The following OCIAD1 variants were observed in gnomAD, a reference collection of about 807,000 sequenced individuals.
OCIAD1 encodes OCIA domain-containing protein 1.
Under a neutral mutation model 38.9 loss-of-function variants are expected in OCIAD1, and 29 were observed. That is an observed-to-expected ratio of 0.74 (90% CI 0.55 to 1.02). OCIAD1 has a LOEUF of 1.02. Ranked by LOEUF, OCIAD1 falls within the 50% of genes least tolerant of loss-of-function variation. The probability of loss-of-function intolerance (pLI) is 0.00; values close to 1 mark genes in which losing one functional copy is unlikely to be tolerated. For missense variants in OCIAD1, 288 were observed against 289.6 expected (o/e 0.99, Z 0.04); for synonymous variants, 110 against 92.0 (o/e 1.20, Z -1.12).
intron 3 of OCIAD1, among the ~76,000 whole-genome samples, chr4:48,838,210 C>T (rs1778177038): frequency 6.6e-6 from 1 of 151,518 alleles, no homozygotes; most frequent in Admixed American, 6.6e-5. Context: ...TCCAGCTACT[C>T]GAGAGGCTGA....
chr4:48,809,207 G>T (rs1317828473), intron 1 of OCIAD1, among the ~76,000 whole-genome samples: 2 of 151,878 alleles, frequency 1.3e-5, no homozygotes, highest in Non-Finnish European at 2.9e-5. Flanking sequence ...TCCATCTATG[G>T]CTTCCCTATT....
At chr4:48,828,063 C>A (rs879846402), upstream of OCIAD1, among the ~76,000 whole-genome samples, 2 of 152,060 alleles carry the variant, frequency 1.3e-5, no homozygotes. Context: ...GTAAATGCAC[C>A]AATCAGTGCT....
At position 48,857,303 on chromosome 4, in the gene OCIAD1, C is replaced by T. The variant is rs112327139; in HGVS notation, c.638C>T (p.Ser213Phe). 8,312 of 1,600,556 alleles carry T rather than the reference C, an allele frequency of 5.2e-3. 29 individuals carry two copies. Among genetic ancestry groups the T allele is most frequent in the Non-Finnish European group, 6.4e-3 (7,551 of 1,172,938 alleles). ...AAGAACAGAGAGTCATATGAAGTAT[C>T]TTTAACACAAAAGACTGACCCCTCA... is the stretch of plus-strand genomic sequence containing the variant. ...RNKNRESYEV[S>F]LTQKTDPSVR... Residue 213 changes from serine to phenylalanine, a missense_variant, in exon 8 of 9, where the codon TCT (serine) becomes TTT (phenylalanine). Ser to Phe is a radical substitution (Grantham distance 155). Coordinates refer to ENST00000264312, the MANE Select transcript of OCIAD1 (RefSeq NM_017830.4).
chr4:48,844,200 T>G (rs1778781128), intron 4 of OCIAD1, among the ~76,000 whole-genome samples: 1 of 152,092 alleles, frequency 6.6e-6, no homozygotes, highest in Non-Finnish European at 1.5e-5. Context: ...AGGACTGAAC[T>G]GAAGAGACAA....
rs547071236 is a variant in OCIAD1, at chr4:48,837,446, C to G, written c.139+3965C>G. On this transcript the variant is annotated intron_variant, in intron 3 of 8. Transcript: ENST00000264312. ...TAGCTGGGCTTATAGGCGCCTGCCA[C>G]CATGCTCAGCTAATTTTTGTATTTT... 6.6e-5 allele frequency among the ~76,000 whole-genome samples: 10 copies of G among 151,848 alleles called. No individual in the cohort carries two copies. The South Asian group carries it at 1.9e-3, about 28-fold the overall frequency.
intron 1 of OCIAD1, among the ~76,000 whole-genome samples, chr4:48,809,227 A>AT (rs1777061266): frequency 6.6e-6 from 1 of 152,174 alleles, no homozygotes; most frequent in South Asian, 2.1e-4. Context: ...TGCCTTCAAG[A>AT]TAAAAATGTA....
intron 5 of OCIAD1, among the ~76,000 whole-genome samples, 182 bp from the exon 6 acceptor site, chr4:48,849,765 T>A (rs1053673654): frequency 6.6e-6 from 1 of 152,220 alleles, no homozygotes; most frequent in African/African-American, 2.4e-5. Context: ...ATCCATAGAC[T>A]CTGTATATGA....
chr4:48,806,863 C>T (rs1777031622), intron 1 of OCIAD1, among the ~76,000 whole-genome samples: 1 of 152,162 alleles, frequency 6.6e-6, no homozygotes, highest in Non-Finnish European at 1.5e-5. Context: ...CTCGGCCTCC[C>T]GAAGTGCTGG....
chr4:48,806,597 TTTAAA>T (rs1298698777), intron 1 of OCIAD1, among the ~76,000 whole-genome samples: 1 of 152,146 alleles, frequency 6.6e-6, no homozygotes, highest in Non-Finnish European at 1.5e-5. Flanking sequence ...CCCTTGCCCT[TTTAAA>T]TTAACTTTTT....
intron 1 of OCIAD1, among the ~76,000 whole-genome samples, chr4:48,807,232 G>T (rs1777037437): frequency 6.6e-6 from 1 of 151,864 alleles, no homozygotes; most frequent in African/African-American, 2.4e-5. Flanking sequence ...GCAGGTCTGA[G>T]TGGGAGCTCA....
chr4:48,822,430 A>G (rs949842236), intron 1 of OCIAD1, among the ~76,000 whole-genome samples: 1 of 152,228 alleles, frequency 6.6e-6, no homozygotes, highest in Non-Finnish European at 1.5e-5. Context: ...AAAACCCCAA[A>G]TCATAAAAAC....
chr4:48,849,351 AAAG>A (rs1779231383), intron 5 of OCIAD1, among the ~76,000 whole-genome samples: 1 of 152,172 alleles, frequency 6.6e-6, no homozygotes, highest in Non-Finnish European at 1.5e-5. Context: ...TTGCTCTTCA[AAAG>A]AAGTACCTGA....
rs570588121 is a variant in OCIAD1, at chr4:48,852,883, T to TTTTTTGTTTTTG, written c.547+913_547+914insGTTTTTGTTTTT. 8.7e-4 allele frequency among the ~76,000 whole-genome samples: 117 copies of TTTTTTGTTTTTG among 134,944 alleles called. 7 individuals are homozygous for TTTTTTGTTTTTG. The highest frequency in any genetic ancestry group is 1.8e-3 in the African/African-American group (65 of 36,330). The allele number at this position is 134,944 out of a possible 152,430, so 88.5% of individuals were successfully genotyped here. A position where few individuals can be genotyped will look rare whatever the true frequency, so the allele number is the denominator to read the frequency against. On this transcript the variant is annotated intron_variant, in intron 7 of 8. Transcript: ENST00000264312. ...AAGCCAAGTTTTTTTTTGTTTTTTG[T>TTTTTTGTTTTTG]TTTTTTTTTTTTTTTTGAGATGGAG...
intron 4 of OCIAD1, among the ~76,000 whole-genome samples, chr4:48,846,304 T>C (rs1181377080): frequency 6.6e-6 from 1 of 152,254 alleles, no homozygotes; most frequent in African/African-American, 2.4e-5. Flanking sequence ...TTTTGTACTT[T>C]AATTACATGA....
intron 1 of OCIAD1, among the ~76,000 whole-genome samples, chr4:48,821,023 A>G (rs765187038): frequency 5.3e-5 from 8 of 152,224 alleles, no homozygotes; most frequent in Non-Finnish European, 8.8e-5. Context: ...CAATAGAAAA[A>G]GAAGGACTCC....
chr4:48,836,940 T>C (rs1035348510), intron 3 of OCIAD1, among the ~76,000 whole-genome samples: 1 of 152,216 alleles, frequency 6.6e-6, no homozygotes, highest in African/African-American at 2.4e-5. Context: ...AGGGCTTCTA[T>C]AAAATTTTCA....
At chr4:48,857,094 TTTGA>T (rs777917204) in intron 7 of OCIAD1, 115 bp from the exon 8 acceptor site, 57 of 489,114 alleles carry the variant, frequency 1.2e-4, no homozygotes, top group Non-Finnish European at 1.7e-4. Context: ...GTGGTAATAA[TTTGA>T]TTCTTTATTC....
chr4:48,856,933 A>G (rs536685754), intron 7 of OCIAD1: 1 of 187,952 alleles, frequency 5.3e-6, no homozygotes, highest in South Asian at 1.5e-4. Flanking sequence ...ACTGTTATAT[A>G]TTATGATACA....
chr4:48,849,184 T>C (rs1478213356), intron 5 of OCIAD1, among the ~76,000 whole-genome samples: 1 of 152,246 alleles, frequency 6.6e-6, no homozygotes, highest in South Asian at 2.1e-4. Flanking sequence ...TTAGGAGATA[T>C]ACCTAATGTA....
Sources: allele counts gnomAD v4.1 joint callset (sites outside exome capture counted in the v4.1 genomes callset), GRCh38; gene constraint gnomAD v4.1.1; transcripts MANE v1.5; gene names NCBI Gene and HGNC (gene_info 2026-07-23, HGNC 2026-07-21).